ADIPOR2: variants seen among roughly 807,000 people sequenced by gnomAD.
The protein encoded by ADIPOR2 is adiponectin receptor 2.
ADIPOR2 carries 18 observed loss-of-function variants against 40.9 expected under a neutral mutation model. The ratio of observed to expected loss-of-function variants is 0.44; its 90% CI spans 0.30 to 0.65. The LOEUF (loss-of-function observed/expected upper bound fraction) is 0.65. Ranked by LOEUF, ADIPOR2 falls within the 30% of genes least tolerant of loss-of-function variation. ADIPOR2 has a pLI of 0.09. For missense variants in ADIPOR2, 283 were observed against 479.2 expected, an observed-to-expected ratio of 0.59 and a Z score of 3.82; for synonymous variants, 165 against 166.4, an observed-to-expected ratio of 0.99 and a Z score of 0.06.
rs1183721913 is a variant in ADIPOR2, at chr12:1,782,963, TC to T, written c.839-916del. Reference sequence around the variant, plus strand: ...CTTCTTTTTTCTTTTCTTTTCTTTTTCTTTCTTTCTTTCTTTTTTTTTTTTT... The same window carrying T: ...CTTCTTTTTTCTTTTCTTTTCTTTTTTTTCTTTCTTTCTTTTTTTTTTTTT... On this transcript the variant is annotated intron_variant, in intron 6 of 7. Coordinates refer to ENST00000357103, the MANE Select transcript of ADIPOR2 (RefSeq NM_024551.3). 6.4e-3 allele frequency among the ~76,000 whole-genome samples: 864 copies of T among 135,624 alleles called. 9 individuals are homozygous for T. The highest frequency in any genetic ancestry group is 0.023 in the African/African-American group (795 of 34,136). 89.0% of individuals were successfully genotyped at this position (135,624 alleles called of 152,430 possible). A position where few individuals can be genotyped will look rare whatever the true frequency, so the allele number is the denominator to read the frequency against.
rs1019832975 is a variant in ADIPOR2, at chr12:1,727,443, TA to T, written c.-86-26813del. On this transcript the variant is annotated intron_variant, in intron 1 of 7. Coordinates refer to ENST00000357103, the MANE Select transcript of ADIPOR2 (RefSeq NM_024551.3). ...CTTTTTCCAATAAGCATTGCATGTA[TA>T]ATCATTCACTCATTGCATGTATAAT... 2.6e-5 allele frequency among the ~76,000 whole-genome samples: 4 copies of T among 152,356 alleles called. No homozygotes were observed. In the South Asian group the frequency reaches 8.3e-4, roughly 32 times the overall value.
At chr12:1,778,114 A>C in intron 4 of ADIPOR2, 89 bp downstream of exon 4, 1 of 1,394,462 alleles carries the variant, frequency 7.2e-7, no homozygotes, top group East Asian at 2.6e-5. Context: ...GAACTTCAGA[A>C]ATGTATTTGG....
intron 1 of ADIPOR2, among the ~76,000 whole-genome samples, chr12:1,693,258 GT>G (rs1431546963): frequency 2.6e-5 from 4 of 151,056 alleles, no homozygotes; most frequent in African/African-American, 9.7e-5. Flanking sequence ...GAGTTGAGTA[GT>G]TGTGCCAGAG....
At chr12:1,698,868 TA>T (rs71055180) in intron 1 of ADIPOR2, among the ~76,000 whole-genome samples, 147,543 of 151,728 alleles carry the variant, frequency 0.97, 71,855 homozygotes, top group East Asian at 1. Context: ...CATTACAAAT[TA>T]AAAAAAAAAA....
intron 1 of ADIPOR2, among the ~76,000 whole-genome samples, chr12:1,691,634 C>A (rs1397550339): frequency 6.6e-6 from 1 of 152,198 alleles, no homozygotes; most frequent in African/African-American, 2.4e-5. Context: ...GATGGGCTCT[C>A]TCAGCGCTAC....
chr12:1,740,111 AAAG>A (rs2094739432), intron 1 of ADIPOR2, among the ~76,000 whole-genome samples: 2 of 152,216 alleles, frequency 1.3e-5, no homozygotes, highest in African/African-American at 2.4e-5. Flanking sequence ...TCAAAAAAAA[AAAG>A]AAGTTAAATT....
intron 1 of ADIPOR2, among the ~76,000 whole-genome samples, chr12:1,701,133 T>A (rs1336977006): frequency 6.6e-6 from 1 of 150,434 alleles, no homozygotes; most frequent in Non-Finnish European, 1.5e-5. Context: ...TGATCTTTTT[T>A]TTTTTTTTTT....
intron 1 of ADIPOR2, among the ~76,000 whole-genome samples, chr12:1,724,157 A>G (rs1222099064): frequency 8.6e-5 from 13 of 151,892 alleles, no homozygotes; most frequent in Admixed American, 7.2e-4. Context: ...AATTTTTTGT[A>G]TTTTTAGTAG....
At chr12:1,701,537 A>G (rs774602424) in intron 1 of ADIPOR2, among the ~76,000 whole-genome samples, 8 of 152,174 alleles carry the variant, frequency 5.3e-5, no homozygotes, top group Non-Finnish European at 8.8e-5. Context: ...TGCTTATTCT[A>G]TAATTTGTCT....
At position 1,779,624 on chromosome 12, in the gene ADIPOR2, C is replaced by T. The variant is rs1014615438; in HGVS notation, c.464-827C>T. Among the ~76,000 whole-genome samples the T allele has an allele frequency of 3.9e-5, 6 of 152,286 alleles. No homozygotes were observed. In the South Asian group the frequency reaches 1.2e-3, roughly 32 times the overall value. ...TACAACCTTGTGAATATACTAGTTT[C>T]TGGCCTTACTCCATTTGATTTGCAT... On this transcript the variant is annotated intron_variant, in intron 4 of 7. Coordinates refer to ENST00000357103, the MANE Select transcript of ADIPOR2 (RefSeq NM_024551.3).
At chr12:1,752,453 C>T (rs1565649179) in intron 1 of ADIPOR2, among the ~76,000 whole-genome samples, 2 of 152,050 alleles carry the variant, frequency 1.3e-5, no homozygotes, top group Non-Finnish European at 2.9e-5. Context: ...CTTGCTACAG[C>T]TTCAGCATCA....
In ADIPOR2 at chr12:1,771,570, C is replaced by G. The variant is rs569413073; in HGVS notation, c.172-1272C>G. 1.2e-4 allele frequency among the ~76,000 whole-genome samples: 19 copies of G among 152,210 alleles called. 1 individual carries two copies. In the South Asian group the frequency reaches 2.9e-3, roughly 23 times the overall value. ...AGGTTATTTTATTCAAGATGGTTTTCTTGGAGATTATGTGTTTTTATAAAA... is the reference window on the plus strand; with the variant it reads ...AGGTTATTTTATTCAAGATGGTTTTGTTGGAGATTATGTGTTTTTATAAAA... On this transcript the variant is annotated intron_variant, in intron 2 of 7. Transcript: ENST00000357103.
At chr12:1,744,472 AC>A (rs2094750586) in intron 1 of ADIPOR2, among the ~76,000 whole-genome samples, 1 of 151,880 alleles carries the variant, frequency 6.6e-6, no homozygotes, top group Admixed American at 6.6e-5. Flanking sequence ...AGTAGTTGGA[AC>A]TATAGGCGCG....
At chr12:1,745,425 T>TA (rs1171479728) in intron 1 of ADIPOR2, among the ~76,000 whole-genome samples, 1 of 152,222 alleles carries the variant, frequency 6.6e-6, no homozygotes, top group Admixed American at 6.5e-5. Flanking sequence ...TTGTTCAACT[T>TA]AAATTTTTTT....
At chr12:1,770,495 A>G (rs754991263) in intron 2 of ADIPOR2, among the ~76,000 whole-genome samples, 4 of 152,246 alleles carry the variant, frequency 2.6e-5, no homozygotes, top group Non-Finnish European at 2.9e-5. Flanking sequence ...TCGGTCTGCT[A>G]TAATCATTTC....
At chr12:1,780,150 A>G (rs761402851) in intron 4 of ADIPOR2, 4 of 242,118 alleles carry the variant, frequency 1.7e-5, no homozygotes, top group Non-Finnish European at 2.3e-5. Context: ...CTAGAGGTAG[A>G]AGTGGCTTCA....
chr12:1,752,181 G>C (rs892983107), intron 1 of ADIPOR2, among the ~76,000 whole-genome samples: 5 of 142,734 alleles, frequency 3.5e-5, no homozygotes, highest in Non-Finnish European at 1.5e-5. Flanking sequence ...TGCCCGTCTC[G>C]GCCCCCCAAA....
rs1862864341 is a variant in ADIPOR2 at position 1,787,605 on chromosome 12, T to C, written c.*1533T>C. On this transcript the variant is annotated 3_prime_UTR_variant, in exon 8 of 8. Coordinates refer to ENST00000357103, the MANE Select transcript of ADIPOR2 (RefSeq NM_024551.3). Reference sequence around the variant, plus strand: ...TTGGCCCATAGGTGAACCACCAAAATAGTGCTCGAGTCTTAGGTTACTGTC... The same window carrying C: ...TTGGCCCATAGGTGAACCACCAAAACAGTGCTCGAGTCTTAGGTTACTGTC... 6.6e-6 allele frequency: 1 copy of C among 152,172 alleles called. No individual in the cohort carries two copies. Among genetic ancestry groups the C allele is most frequent in the Admixed American group, 6.5e-5 (1 of 15,274 alleles). The allele number at this position is 152,172 out of a possible 1,614,324, so 9.4% of individuals were successfully genotyped here. A position where few individuals can be genotyped will look rare whatever the true frequency, so the allele number is the denominator to read the frequency against.
intron 7 of ADIPOR2, among the ~76,000 whole-genome samples, chr12:1,784,978 A>C (rs955596742): frequency 2.6e-5 from 4 of 152,196 alleles, no homozygotes; most frequent in Non-Finnish European, 4.4e-5. Flanking sequence ...CAAATTAGCT[A>C]ATTTATCTTT....
Sources: allele counts gnomAD v4.1 joint callset (sites outside exome capture counted in the v4.1 genomes callset), GRCh38; gene constraint gnomAD v4.1.1; transcripts MANE v1.5; gene names NCBI Gene and HGNC (gene_info 2026-07-23, HGNC 2026-07-21).